KMT2C: variants seen among roughly 807,000 people sequenced by gnomAD.
The protein encoded by KMT2C is histone-lysine N-methyltransferase 2C.
A neutral mutation model predicts 507.9 loss-of-function variants in KMT2C; 88 were observed. The ratio of observed to expected loss-of-function variants is 0.17; its 90% CI spans 0.15 to 0.21. The LOEUF (loss-of-function observed/expected upper bound fraction) is 0.21. KMT2C is among the 10% of genes least tolerant of loss of function. The pLI is 1.00. For synonymous variants in KMT2C, 2,049 were observed against 2,080.8 expected (o/e 0.98, Z 0.42); for missense variants, 4,954 against 5,957.8 (o/e 0.83, Z 5.55).
chr7:152,251,058 A>T, intron 11 of KMT2C, 92 bp from the exon 12 acceptor site: 6 of 673,478 alleles, frequency 8.9e-6, no homozygotes, highest in South Asian at 1.8e-5. Flanking sequence ...AGTAAGGGCA[A>T]ATCATCACCA....
chr7:152,255,966 C>T (rs2095654595), intron 9 of KMT2C, among the ~76,000 whole-genome samples: 1 of 152,154 alleles, frequency 6.6e-6, no homozygotes, highest in Non-Finnish European at 1.5e-5. Flanking sequence ...GCCAGGAGTT[C>T]AACACCAGCC....
intron 55 of KMT2C, among the ~76,000 whole-genome samples, chr7:152,140,904 T>C (rs981337431): frequency 1.3e-5 from 2 of 152,214 alleles, no homozygotes; most frequent in African/African-American, 2.4e-5. Flanking sequence ...TGGAGATCAA[T>C]AGAGTGTGGT....
chr7:152,257,886 A>ACACACACAC (rs2095688236), intron 9 of KMT2C, among the ~76,000 whole-genome samples: 2 of 147,778 alleles, frequency 1.4e-5, no homozygotes, highest in African/African-American at 5.3e-5. Context: ...CACACACACA[A>ACACACACAC]AAAAAACACC....
intron 6 of KMT2C, among the ~76,000 whole-genome samples, chr7:152,307,268 A>C (rs1464021016): frequency 8.4e-6 from 1 of 119,338 alleles, no homozygotes; most frequent in Admixed American, 7.9e-5. Context: ...GAAGGAAGGA[A>C]GGAAGAAAGA....
chr7:152,201,617 G>GGAAAAAAAAAAAAAAAAAAAAAAAA (rs1491277955), intron 26 of KMT2C, among the ~76,000 whole-genome samples: 1 of 22,874 alleles, frequency 4.4e-5, no homozygotes, highest in African/African-American at 8.2e-5. Flanking sequence ...CAACAAAGAT[G>GGAAAAAAAAAAAAAAAAAAAAAAAA]AAAAAAAAAA....
intron 23 of KMT2C, among the ~76,000 whole-genome samples, chr7:152,218,313 G>GTAATC (rs1310911449): frequency 1.1e-4 from 16 of 151,950 alleles, no homozygotes; most frequent in African/African-American, 3.9e-4. Flanking sequence ...ACAGGTGCCT[G>GTAATC]CCACCACACC....
chr7:152,325,721 T>C (rs2096822294), intron 3 of KMT2C, among the ~76,000 whole-genome samples: 2 of 151,980 alleles, frequency 1.3e-5, no homozygotes, highest in Non-Finnish European at 2.9e-5. Context: ...GCTAGGATTA[T>C]AGGCATGAGC....
intron 1 of KMT2C, among the ~76,000 whole-genome samples, chr7:152,417,195 T>C (rs918025308): frequency 5.9e-5 from 9 of 152,174 alleles, no homozygotes; most frequent in African/African-American, 2.2e-4. Context: ...CACAGCTCAC[T>C]GCAACCACTT....
chr7:152,434,500 G>A (rs2097897166), intron 1 of KMT2C, among the ~76,000 whole-genome samples: 1 of 152,102 alleles, frequency 6.6e-6, no homozygotes. Flanking sequence ...GAATGCACCC[G>A]AACCAAAGAA....
At chr7:152,204,742 G>A (rs920900097) in intron 25 of KMT2C, among the ~76,000 whole-genome samples, 7 of 152,026 alleles carry the variant, frequency 4.6e-5, no homozygotes, top group Non-Finnish European at 1.0e-4. Flanking sequence ...CTTTGGAGAT[G>A]ACCAGAAAGT....
intron 1 of KMT2C, among the ~76,000 whole-genome samples, chr7:152,398,611 G>A (rs530804124): frequency 1.2e-3 from 181 of 152,094 alleles, no homozygotes; most frequent in Non-Finnish European, 2.0e-3. Flanking sequence ...TGTTGCCCAG[G>A]CTGGCCTCAA....
At chr7:152,226,720 G>T (rs2094944459) in intron 18 of KMT2C, among the ~76,000 whole-genome samples, 1 of 152,152 alleles carries the variant, frequency 6.6e-6, no homozygotes, top group Non-Finnish European at 1.5e-5. Flanking sequence ...CCAATAAAGG[G>T]CCAGAGAGTA....
intron 6 of KMT2C, among the ~76,000 whole-genome samples, chr7:152,292,700 C>A (rs966236286): frequency 4.6e-5 from 7 of 152,158 alleles, no homozygotes; most frequent in Admixed American, 3.9e-4. Flanking sequence ...CCCTCTGTAG[C>A]CTTCAGGGTC....
At chr7:152,418,463 C>A (rs1335069557) in intron 1 of KMT2C, among the ~76,000 whole-genome samples, 1 of 152,096 alleles carries the variant, frequency 6.6e-6, no homozygotes, top group African/African-American at 2.4e-5. Flanking sequence ...CAGAGTCTCG[C>A]TCTGTCGCCC....
At chr7:152,238,371 T>C (rs1271322677) in intron 15 of KMT2C, among the ~76,000 whole-genome samples, 12 of 152,316 alleles carry the variant, frequency 7.9e-5, no homozygotes, top group Admixed American at 3.9e-4. Context: ...AATAAATTAA[T>C]GGAGCTTTTT....
At chr7:152,241,614 A>T (rs1211235967) in intron 14 of KMT2C, among the ~76,000 whole-genome samples, 1 of 152,144 alleles carries the variant, frequency 6.6e-6, no homozygotes, top group African/African-American at 2.4e-5. Context: ...TCATTGCATC[A>T]CCACCTAGGA....
chr7:152,163,145 G>T lies in KMT2C; in HGVS notation c.10432C>A (p.Gln3478Lys). Residue 3478 changes from glutamine (Q) to lysine (K), a missense_variant, in exon 43 of 59, where the codon CAA becomes AAA. By Grantham distance (53) the Gln-to-Lys change is moderately conservative. Around this residue, in one of 29 missense-constraint regions of KMT2C, gnomAD observed 801 missense variants for 751.2 expected, o/e 1.07. Transcript: ENST00000262189. ...TGCTGCTGTAAAACCTGCCCCATTT[G>T]CTGTTGGTGTTGTGGAGACTGCTGA... ...PLQQSPQHQQ[Q>K]MGQVLQQQNI... 6.2e-7 allele frequency: 1 copy of T among 1,614,182 alleles called. No homozygotes were observed. The highest frequency in any genetic ancestry group is 8.5e-7 in the Non-Finnish European group (1 of 1,180,032).
chr7:152,272,081 C>T (rs1008701890), intron 7 of KMT2C, among the ~76,000 whole-genome samples: 11 of 152,028 alleles, frequency 7.2e-5, no homozygotes, highest in African/African-American at 2.7e-4. Flanking sequence ...TATCCTATTG[C>T]TCATGTATTT....
intron 6 of KMT2C, among the ~76,000 whole-genome samples, chr7:152,302,325 G>T (rs990607965): frequency 7.2e-5 from 11 of 152,172 alleles, no homozygotes; most frequent in African/African-American, 2.2e-4. Context: ...CAGGATTCAA[G>T]TGATTCTCCT....
Sources: gnomAD v4.1 joint callset for allele counts (sites outside exome capture counted in the v4.1 genomes callset) on GRCh38, gnomAD v4.1.1 for gene constraint, gnomAD v4.1.1 regional missense constraint, MANE v1.5 for transcripts, NCBI Gene and HGNC (gene_info 2026-07-23, HGNC 2026-07-21) for gene names.